CCDC3: variants seen among roughly 807,000 people sequenced by gnomAD.
CCDC3 encodes the protein coiled-coil domain containing 3, also known as coiled-coil domain-containing protein 3.
A neutral mutation model predicts 21.4 loss-of-function variants in CCDC3; 24 were observed. The observed-to-expected ratio is 1.12, with a 90% CI of 0.81 to 1.58. CCDC3 has a LOEUF of 1.58. Among genes scored for constraint, CCDC3 ranks in the 40% most tolerant of loss-of-function variants. The pLI is 0.00. For synonymous variants in CCDC3, 186 were observed against 166.0 expected, an observed-to-expected ratio of 1.12 and a Z score of -0.93; for missense variants, 425 against 360.9, an observed-to-expected ratio of 1.18 and a Z score of -1.44.
upstream of CCDC3, among the ~76,000 whole-genome samples, chr10:13,005,017 C>T (rs527868014): frequency 1.4e-4 from 22 of 152,278 alleles, no homozygotes; most frequent in South Asian, 4.2e-4. Flanking sequence ...ATCTTCTGAT[C>T]CTATTTCTTT....
intron 2 of CCDC3, among the ~76,000 whole-genome samples, chr10:12,916,730 C>T (rs939931016): frequency 3.9e-5 from 6 of 152,194 alleles, no homozygotes; most frequent in Non-Finnish European, 5.9e-5. Context: ...GATCTGGAAC[C>T]GGAAGTAAGC....
intron 2 of CCDC3, among the ~76,000 whole-genome samples, chr10:12,922,014 G>C (rs1279937656): frequency 6.6e-6 from 1 of 152,202 alleles, no homozygotes; most frequent in African/African-American, 2.4e-5. Context: ...ACAGTCATGA[G>C]CCATTGTGCC....
At chr10:12,953,225 T>G (rs1189510245) in intron 2 of CCDC3, among the ~76,000 whole-genome samples, 1 of 152,168 alleles carries the variant, frequency 6.6e-6, no homozygotes, top group East Asian at 1.9e-4. Flanking sequence ...AAACTCCCAT[T>G]TTTAAAACTA....
At chr10:12,905,642 G>A (rs541203529) in intron 2 of CCDC3, among the ~76,000 whole-genome samples, 1 of 152,332 alleles carries the variant, frequency 6.6e-6, no homozygotes, top group African/African-American at 2.4e-5. Context: ...CCTTGTCAAA[G>A]GTCCTATTGA....
At chr10:13,033,742 T>C (rs1242507409) in intron 5 of CCDC3, among the ~76,000 whole-genome samples, 2 of 152,184 alleles carry the variant, frequency 1.3e-5, no homozygotes, top group African/African-American at 2.4e-5. Context: ...CGTGAAAAAA[T>C]GCTCGTCATC....
intron 1 of CCDC3, among the ~76,000 whole-genome samples, chr10:13,000,617 T>C (rs373872997): frequency 2.0e-5 from 3 of 152,168 alleles, no homozygotes. Context: ...TCCACACCAT[T>C]CACATCTTGG....
intron 2 of CCDC3, among the ~76,000 whole-genome samples, chr10:12,986,312 T>C (rs1416866537): frequency 6.6e-6 from 1 of 152,180 alleles, no homozygotes; most frequent in Non-Finnish European, 1.5e-5. Context: ...GAATAAACTC[T>C]GCAGATTTCA....
rs11258113 is a variant in CCDC3, at chr10:12,994,392, C to T, written c.549+3946G>A. Among the ~76,000 whole-genome samples the T allele has an allele frequency of 8.1e-3, 1,192 of 147,240 alleles. 15 individuals are homozygous for T. The highest frequency in any genetic ancestry group is 0.028 in the African/African-American group (1,089 of 38,660). ...CAACCTGGGCAACAGAGCAAGACTC[C>T]GTCTCAAAAACAAAACAAAACAAAA... On this transcript the variant is annotated intron_variant, in intron 2 of 2. Coordinates refer to ENST00000378825, the MANE Select transcript of CCDC3 (RefSeq NM_031455.4).
intron 3 of CCDC3, among the ~76,000 whole-genome samples, chr10:13,084,287 C>CTTTTTTTT (rs61688783): frequency 9.8e-6 from 1 of 102,212 alleles, no homozygotes; most frequent in Non-Finnish European, 2.3e-5. Context: ...CTTTTCTTTT[C>CTTTTTTTT]TTTTTTTTTT....
chr10:12,945,691 GT>G (rs1218188680), intron 2 of CCDC3, among the ~76,000 whole-genome samples: 1 of 152,106 alleles, frequency 6.6e-6, no homozygotes, highest in Non-Finnish European at 1.5e-5. Flanking sequence ...TAAGTAATTG[GT>G]CTAGGAAATA....
intron 2 of CCDC3, among the ~76,000 whole-genome samples, chr10:12,994,026 G>A (rs1273685193): frequency 6.6e-6 from 1 of 152,174 alleles, no homozygotes; most frequent in East Asian, 1.9e-4. Context: ...TCAGGGAAGA[G>A]AATGAAATGT....
chr10:12,990,405 G>A (rs995429670), intron 2 of CCDC3, among the ~76,000 whole-genome samples: 10 of 152,196 alleles, frequency 6.6e-5, no homozygotes, highest in African/African-American at 2.4e-4. Flanking sequence ...AAGTATGATG[G>A]TTGTCTCAAG....
At chr10:12,944,992 T>A (rs189416650) in intron 2 of CCDC3, among the ~76,000 whole-genome samples, 1 of 152,196 alleles carries the variant, frequency 6.6e-6, no homozygotes, top group African/African-American at 2.4e-5. Context: ...TTCTCAGGCC[T>A]AGCCAAAAAT....
chr10:12,985,245 A>T (rs955713943), intron 2 of CCDC3, among the ~76,000 whole-genome samples: 4 of 152,256 alleles, frequency 2.6e-5, no homozygotes, highest in Admixed American at 6.5e-5. Context: ...CACACCTATC[A>T]AAACAGCTAG....
chr10:13,052,854 A>G (rs1386000785), intron 4 of CCDC3, among the ~76,000 whole-genome samples: 1 of 151,914 alleles, frequency 6.6e-6, no homozygotes, highest in Non-Finnish European at 1.5e-5. Flanking sequence ...AGGCAGAAGA[A>G]TCACTTGAAC....
intron 4 of CCDC3, among the ~76,000 whole-genome samples, chr10:13,053,488 T>G (rs532133925): frequency 1.9e-4 from 29 of 152,078 alleles, no homozygotes; most frequent in Admixed American, 1.1e-3. Flanking sequence ...GCCCAGGAGA[T>G]TGAGGCTGCA....
intron 2 of CCDC3, among the ~76,000 whole-genome samples, chr10:12,957,650 C>A (rs1183382146): frequency 1.3e-5 from 2 of 152,120 alleles, no homozygotes; most frequent in African/African-American, 4.8e-5. Context: ...CTCTCGAGAT[C>A]TGATTGTTTC....
intron 2 of CCDC3, among the ~76,000 whole-genome samples, chr10:12,946,727 A>G (rs1564294279): frequency 6.6e-6 from 1 of 151,782 alleles, no homozygotes; most frequent in East Asian, 1.9e-4. Context: ...AGACTCAAAA[A>G]CTCCATTTGC....
At chr10:13,028,788 G>A (rs1286912836) in intron 5 of CCDC3, among the ~76,000 whole-genome samples, 1 of 152,138 alleles carries the variant, frequency 6.6e-6, no homozygotes, top group Non-Finnish European at 1.5e-5. Flanking sequence ...CATGCAAAGG[G>A]TTCCATCTCT....
Sources: gnomAD v4.1 joint callset for allele counts (sites outside exome capture counted in the v4.1 genomes callset) on GRCh38, gnomAD v4.1.1 for gene constraint, MANE v1.5 for transcripts, NCBI Gene and HGNC (gene_info 2026-07-23, HGNC 2026-07-21) for gene names.